Variants in EPHA4 observed in about 807,000 individuals in gnomAD.
EPHA4 encodes EPH receptor A4, also known as ephrin type-A receptor 4.
A neutral mutation model predicts 108.3 loss-of-function variants in EPHA4; 19 were observed. The ratio of observed to expected loss-of-function variants is 0.18; its 90% CI spans 0.12 to 0.26. The LOEUF (loss-of-function observed/expected upper bound fraction) is 0.26, where lower values mean the gene tolerates loss of function less well. Ranked by LOEUF, EPHA4 falls within the 10% of genes least tolerant of loss-of-function variation. The pLI is 1.00. For synonymous variants in EPHA4, 449 were observed against 455.5 expected, an observed-to-expected ratio of 0.99 and a Z score of 0.18; for missense variants, 917 against 1,254.0, an observed-to-expected ratio of 0.73 and a Z score of 4.06.
chr2:221,550,010 A>T (rs1694112542), intron 3 of EPHA4, among the ~76,000 whole-genome samples: 1 of 152,110 alleles, frequency 6.6e-6, no homozygotes, highest in Non-Finnish European at 1.5e-5. Flanking sequence ...CAAAAACTAC[A>T]CAAGTAATGA....
At chr2:221,468,965 T>C (rs1047216003) in intron 5 of EPHA4, among the ~76,000 whole-genome samples, 4 of 152,206 alleles carry the variant, frequency 2.6e-5, no homozygotes, top group African/African-American at 9.6e-5. Flanking sequence ...AAATCATCTG[T>C]GAAGTTAAAG....
At chr2:221,446,240 A>C in intron 8 of EPHA4, 59 bp from the exon 9 acceptor site, 1 of 1,051,354 alleles carries the variant, frequency 9.5e-7, no homozygotes, top group Non-Finnish European at 1.3e-6. Context: ...GCTTTAACAC[A>C]TGCCATAAGA....
intron 3 of EPHA4, among the ~76,000 whole-genome samples, chr2:221,557,691 TA>T (rs34175837): frequency 0.29 from 44,717 of 152,054 alleles, 6,956 homozygotes; most frequent in African/African-American, 0.37. Context: ...AAACACGATT[TA>T]AAAAGGACCC....
intron 3 of EPHA4, among the ~76,000 whole-genome samples, chr2:221,535,008 C>T (rs1260767662): frequency 2.6e-5 from 4 of 152,226 alleles, no homozygotes; most frequent in African/African-American, 7.2e-5. Context: ...AGCTTCTGCA[C>T]GTTCTCCATC....
chr2:221,508,541 T>C (rs922188246), intron 3 of EPHA4, among the ~76,000 whole-genome samples: 8 of 147,564 alleles, frequency 5.4e-5, no homozygotes, highest in Non-Finnish European at 8.9e-5. Context: ...ATCATGCCAC[T>C]GCACTCCAGC....
chr2:221,452,417 CT>C (rs756775575), intron 8 of EPHA4, among the ~76,000 whole-genome samples: 2 of 152,224 alleles, frequency 1.3e-5, no homozygotes, highest in Non-Finnish European at 2.9e-5. Context: ...GCCAGCCAGG[CT>C]TTCATCCCCA....
At chr2:221,484,154 A>G (rs887823201) in intron 4 of EPHA4, among the ~76,000 whole-genome samples, 2 of 152,224 alleles carry the variant, frequency 1.3e-5, no homozygotes, top group African/African-American at 4.8e-5. Flanking sequence ...AACTTGGATG[A>G]GCTTTACCTA....
At chr2:221,506,538 A>T (rs943022404) in intron 3 of EPHA4, among the ~76,000 whole-genome samples, 14 of 152,324 alleles carry the variant, frequency 9.2e-5, no homozygotes, top group African/African-American at 3.1e-4. Context: ...TACGCTATAG[A>T]TCTCTGCTTT....
chr2:221,522,990 T>C (rs528453398), intron 3 of EPHA4, among the ~76,000 whole-genome samples: 33 of 152,224 alleles, frequency 2.2e-4, no homozygotes, highest in African/African-American at 7.0e-4. Flanking sequence ...CTCGAATTCC[T>C]GACCTCAGGT....
intron 5 of EPHA4, among the ~76,000 whole-genome samples, chr2:221,470,495 G>A (rs914971575): frequency 6.6e-6 from 1 of 151,786 alleles, no homozygotes; most frequent in Non-Finnish European, 1.5e-5. Flanking sequence ...CAATATTCAT[G>A]ACCCATAGAA....
chr2:221,539,166 T>C (rs1693758587), intron 3 of EPHA4, among the ~76,000 whole-genome samples: 1 of 152,156 alleles, frequency 6.6e-6, no homozygotes, highest in Non-Finnish European at 1.5e-5. Context: ...AGCGCTAATA[T>C]TGATTGCAGG....
chr2:221,493,457 T>TA (rs990486019), intron 4 of EPHA4, among the ~76,000 whole-genome samples: 1 of 151,592 alleles, frequency 6.6e-6, no homozygotes, highest in Non-Finnish European at 1.5e-5. Context: ...AAATAAAAAA[T>TA]AAAAAAATAA....
At chr2:221,548,413 T>C (rs1004836048) in intron 3 of EPHA4, among the ~76,000 whole-genome samples, 1 of 151,656 alleles carries the variant, frequency 6.6e-6, no homozygotes, top group South Asian at 2.1e-4. Flanking sequence ...TCACTCCCAC[T>C]CTCACCATGT....
At chr2:221,455,880 G>A (rs891716359) in intron 7 of EPHA4, among the ~76,000 whole-genome samples, 2 of 151,956 alleles carry the variant, frequency 1.3e-5, no homozygotes, top group African/African-American at 4.8e-5. Flanking sequence ...TTGTACCCTT[G>A]CTGGATAATT....
intron 5 of EPHA4, among the ~76,000 whole-genome samples, chr2:221,475,799 A>C (rs1219972454): frequency 3.3e-5 from 5 of 152,236 alleles, no homozygotes; most frequent in Admixed American, 2.6e-4. Context: ...TGTTGAACCC[A>C]TTAGAAATAT....
chr2:221,560,737 C>T (rs190824101), intron 3 of EPHA4, among the ~76,000 whole-genome samples: 2 of 152,222 alleles, frequency 1.3e-5, no homozygotes, highest in Admixed American at 6.5e-5. Context: ...TATTATCATC[C>T]CATTTTATGG....
intron 4 of EPHA4, among the ~76,000 whole-genome samples, chr2:221,486,471 C>T (rs916985781): frequency 6.6e-6 from 1 of 152,038 alleles, no homozygotes; most frequent in Non-Finnish European, 1.5e-5. Flanking sequence ...TGGCTCACGC[C>T]TATAATCCCA....
rs559067750 is a variant in EPHA4 at position 221,452,904 on chromosome 2, C to A, written c.1715+2643G>T. Among the ~76,000 whole-genome samples, 45 of 152,288 alleles carry A rather than the reference C, an allele frequency of 3.0e-4. 1 individual carries two copies. The South Asian group carries it at 9.3e-3, about 32-fold the overall frequency. ...GCTTAAGGATGCTATTTTCCGTAGT[C>A]ACGGCTTTTAATAAACTTGTCTCCC... is the stretch of plus-strand genomic sequence containing the variant. On this transcript the variant is annotated intron_variant, in intron 8 of 17. Transcript: ENST00000281821.
chr2:221,455,637 T>A lies in EPHA4; in HGVS notation c.1625A>T (p.Asp542Val), dbSNP rs1690921142. The A allele has an allele frequency of 6.2e-7, 1 of 1,613,518 alleles. No individual in the cohort carries two copies. The highest frequency in any genetic ancestry group is 1.7e-5 in the Admixed American group (1 of 59,968). Residue 542 changes from aspartate (D) to valine (V), a missense_variant, in exon 8 of 18, where the codon GAT becomes GTT. By Grantham distance (152) the Asp-to-Val change is radical (BLOSUM62 -3). Coordinates refer to ENST00000281821, the MANE Select transcript of EPHA4 (RefSeq NM_004438.5). Reference protein sequence around the residue: ...TNTVPSRIIGDGANSTVLLVS... With the variant: ...TNTVPSRIIGVGANSTVLLVS... Reference sequence around the variant, plus strand: ...CAGAAGGACTGTGGAGTTAGCCCCATCTCCAATGATCCGGGAAGGCACTGG... The same window carrying A: ...CAGAAGGACTGTGGAGTTAGCCCCAACTCCAATGATCCGGGAAGGCACTGG...
Sources: allele counts gnomAD v4.1 joint callset (sites outside exome capture counted in the v4.1 genomes callset), GRCh38; gene constraint gnomAD v4.1.1; transcripts MANE v1.5; gene names NCBI Gene and HGNC (gene_info 2026-07-23, HGNC 2026-07-21).